Variants in BTBD9 observed in about 807,000 individuals in gnomAD.
BTBD9 encodes the protein BTB domain containing 9.
A neutral mutation model predicts 64.3 loss-of-function variants in BTBD9; 49 were observed. The observed-to-expected ratio is 0.76, with a 90% CI of 0.61 to 0.97. The LOEUF is 0.97. Among genes scored for constraint, BTBD9 ranks in the 50% least tolerant of loss-of-function variants. BTBD9 has a pLI of 0.00. For missense variants in BTBD9, 598 were observed against 762.1 expected, an observed-to-expected ratio of 0.78 and a Z score of 2.53; for synonymous variants, 260 against 274.7, an observed-to-expected ratio of 0.95 and a Z score of 0.53.
At position 38,324,130 on chromosome 6, in the gene BTBD9, CACTT is replaced by C. The variant is rs532820315; in HGVS notation, c.1264+20850_1264+20853del. ...GAAGGAAAGAAAGAACTTTGTGTAA[CACTT>C]AGTTCAAAAAACGGATAATTTACAT... On this transcript the variant is annotated intron_variant, in intron 7 of 10. Coordinates refer to ENST00000481247, the MANE Select transcript of BTBD9 (RefSeq NM_001099272.2). Among the ~76,000 whole-genome samples the C allele has an allele frequency of 1.5e-3, 228 of 152,178 alleles. 1 individual carries two copies. The highest frequency in any genetic ancestry group is 2.5e-3 in the Non-Finnish European group (173 of 68,004).
intron 6 of BTBD9, among the ~76,000 whole-genome samples, chr6:38,494,969 T>C (rs993129982): frequency 1.1e-4 from 17 of 152,216 alleles, no homozygotes; most frequent in Non-Finnish European, 1.9e-4. Context: ...CCCCGGATCC[T>C]ATACCAAATA....
intron 6 of BTBD9, among the ~76,000 whole-genome samples, chr6:38,396,684 G>A (rs1040793441): frequency 2.0e-5 from 3 of 152,104 alleles, no homozygotes; most frequent in Non-Finnish European, 4.4e-5. Context: ...AGTAGTCACT[G>A]CCCACAGTTA....
At chr6:38,211,658 C>G (rs957755178) in intron 9 of BTBD9, among the ~76,000 whole-genome samples, 1 of 151,142 alleles carries the variant, frequency 6.6e-6, no homozygotes, top group Non-Finnish European at 1.5e-5. Flanking sequence ...GCACGAGACT[C>G]GCTTGAACCC....
intron 1 of BTBD9, among the ~76,000 whole-genome samples, chr6:38,629,732 G>A (rs914326762): frequency 2.0e-5 from 3 of 152,134 alleles, no homozygotes; most frequent in African/African-American, 7.2e-5. Flanking sequence ...TGAGGCAGGA[G>A]AATCGCTTGA....
chr6:38,258,300 A>G (rs1048820334), intron 8 of BTBD9, among the ~76,000 whole-genome samples: 4 of 152,182 alleles, frequency 2.6e-5, no homozygotes, highest in South Asian at 4.2e-4. Context: ...AAATAATTTT[A>G]AAAAATAATC....
chr6:38,598,596 G>T (rs1229352183), intron 1 of BTBD9, among the ~76,000 whole-genome samples: 1 of 152,038 alleles, frequency 6.6e-6, no homozygotes, highest in East Asian at 1.9e-4. Context: ...GTTTTGGTAC[G>T]AAACCATCTC....
intron 6 of BTBD9, among the ~76,000 whole-genome samples, chr6:38,560,255 G>T (rs1024241925): frequency 6.6e-6 from 1 of 151,960 alleles, no homozygotes; most frequent in Non-Finnish European, 1.5e-5. Flanking sequence ...GTGGGCAAAG[G>T]ACATGAACAG....
chr6:38,266,327 C>A (rs775481263), intron 8 of BTBD9, among the ~76,000 whole-genome samples: 17 of 152,232 alleles, frequency 1.1e-4, no homozygotes, highest in Non-Finnish European at 2.2e-4. Flanking sequence ...AATCCCAGCA[C>A]TTTAGGAGGC....
At chr6:38,580,578 T>C (rs1776240498) in intron 4 of BTBD9, 141 bp from the exon 5 acceptor site, 1 of 718,880 alleles carries the variant, frequency 1.4e-6, no homozygotes, top group Non-Finnish European at 2.3e-6. Context: ...GGATAGAAAA[T>C]ACAGAACATC....
intron 1 of BTBD9, among the ~76,000 whole-genome samples, chr6:38,619,379 C>A (rs1359679853): frequency 1.3e-5 from 2 of 152,156 alleles, no homozygotes; most frequent in African/African-American, 4.8e-5. Flanking sequence ...ACAAACAAGC[C>A]TTGGTGGTTC....
chr6:38,510,285 G>A (rs1394167436), intron 6 of BTBD9, among the ~76,000 whole-genome samples: 1 of 152,208 alleles, frequency 6.6e-6, no homozygotes, highest in Non-Finnish European at 1.5e-5. Flanking sequence ...GCATGTAACT[G>A]AACTGAAGAC....
intron 4 of BTBD9, among the ~76,000 whole-genome samples, chr6:38,589,149 G>A (rs546842400): frequency 1.3e-5 from 2 of 152,286 alleles, no homozygotes; most frequent in East Asian, 1.9e-4. Flanking sequence ...TCACTTCAAA[G>A]TGAAGAATTT....
In BTBD9 at chr6:38,335,398, G is replaced by A. The variant is rs544781214; in HGVS notation, c.1264+9586C>T. Among the ~76,000 whole-genome samples, 16 of 151,964 alleles carry A rather than the reference G, an allele frequency of 1.1e-4. No individual in the cohort carries two copies. The South Asian group carries it at 2.5e-3, about 24-fold the overall frequency. ...CTCCTGAGTAGCTGGAGCTACAGGC[G>A]TGCACCACCAAACCTGGTTAATTTT... On this transcript the variant is annotated intron_variant, in intron 7 of 10. Transcript: ENST00000481247.
At chr6:38,258,148 G>A (rs1053980778) in intron 8 of BTBD9, among the ~76,000 whole-genome samples, 2 of 151,944 alleles carry the variant, frequency 1.3e-5, no homozygotes, top group Admixed American at 6.6e-5. Context: ...ACCATGCCCA[G>A]CTAATTTTTG....
chr6:38,618,209 C>T (rs889378123), intron 1 of BTBD9, among the ~76,000 whole-genome samples: 2 of 152,188 alleles, frequency 1.3e-5, no homozygotes, highest in Non-Finnish European at 2.9e-5. Context: ...CCAATTTGAC[C>T]CGCAAAACCT....
intron 9 of BTBD9, among the ~76,000 whole-genome samples, chr6:38,199,536 A>T (rs1483268233): frequency 6.6e-6 from 1 of 152,240 alleles, no homozygotes; most frequent in Non-Finnish European, 1.5e-5. Flanking sequence ...AGACAGAAAA[A>T]AAACAAATTT....
intron 6 of BTBD9, among the ~76,000 whole-genome samples, chr6:38,358,605 G>A (rs892739080): frequency 1.3e-5 from 2 of 152,172 alleles, no homozygotes; most frequent in Non-Finnish European, 2.9e-5. Context: ...AAATGCAGGT[G>A]AGTAGGAAGA....
chr6:38,582,836 TAA>T (rs1301350243), intron 4 of BTBD9, among the ~76,000 whole-genome samples: 1 of 152,076 alleles, frequency 6.6e-6, no homozygotes, highest in African/African-American at 2.4e-5. Context: ...ACACTACAGA[TAA>T]AAATTACACT....
chr6:38,254,004 T>C (rs1433744615), intron 9 of BTBD9, among the ~76,000 whole-genome samples: 1 of 147,656 alleles, frequency 6.8e-6, no homozygotes, highest in East Asian at 2.0e-4. Flanking sequence ...TAGTAGCATC[T>C]AGTATGTCAA....
Sources: allele counts gnomAD v4.1 joint callset (sites outside exome capture counted in the v4.1 genomes callset), GRCh38; gene constraint gnomAD v4.1.1; transcripts MANE v1.5; gene names NCBI Gene and HGNC (gene_info 2026-07-23, HGNC 2026-07-21).